Variants in MYO1D observed in about 807,000 individuals in gnomAD.
MYO1D encodes unconventional myosin-Id.
Under a neutral mutation model 122.0 loss-of-function variants are expected in MYO1D, and 83 were observed. That is an observed-to-expected ratio of 0.68 (90% CI 0.57 to 0.82). The LOEUF (loss-of-function observed/expected upper bound fraction) is 0.82. MYO1D is among the 40% of genes least tolerant of loss of function. The pLI is 0.00. For synonymous variants in MYO1D, 464 were observed against 446.9 expected (o/e 1.04, Z -0.48); for missense variants, 1,157 against 1,269.5 (o/e 0.91, Z 1.35).
At chr17:32,576,970 C>G (rs1376628146) in intron 21 of MYO1D, among the ~76,000 whole-genome samples, 1 of 151,994 alleles carries the variant, frequency 6.6e-6, no homozygotes, top group Non-Finnish European at 1.5e-5. Context: ...GTGAGGTAGG[C>G]TGGGCATGGT....
At chr17:32,857,160 GA>G (rs2091033674) in intron 1 of MYO1D, among the ~76,000 whole-genome samples, 2 of 152,170 alleles carry the variant, frequency 1.3e-5, no homozygotes, top group South Asian at 4.1e-4. Flanking sequence ...ATTAATGAAT[GA>G]AAACCACCTA....
At chr17:32,746,864 C>T (rs927018066) in intron 12 of MYO1D, among the ~76,000 whole-genome samples, 20 of 152,172 alleles carry the variant, frequency 1.3e-4, no homozygotes, top group African/African-American at 3.4e-4. Context: ...TGTGGCATTG[C>T]GTAAGAACTT....
chr17:32,643,294 G>A (rs2088231873), intron 19 of MYO1D, among the ~76,000 whole-genome samples: 1 of 152,180 alleles, frequency 6.6e-6, no homozygotes, highest in Admixed American at 6.5e-5. Context: ...TGGTGGATAA[G>A]CTTTTTGATG....
chr17:32,833,192 C>T lies in MYO1D; in HGVS notation c.95+43586G>A, dbSNP rs1329682064. On this transcript the variant is annotated intron_variant, in intron 1 of 21. Coordinates refer to ENST00000318217, the MANE Select transcript of MYO1D (RefSeq NM_015194.3). ...GTGTCCCACACCTGCTCCTCCTGCT[C>T]GCTATACCCCATGTCTCATCTGTCA... Among the ~76,000 whole-genome samples, 4 of 152,172 alleles carry T rather than the reference C, an allele frequency of 2.6e-5. No homozygotes were observed. In the South Asian group the frequency reaches 6.2e-4, roughly 24 times the overall value.
Position 32,671,181 on chromosome 17 carries a change from C to A in MYO1D, c.2122-11843G>T, listed in dbSNP as rs74533852. The stretch of plus-strand genomic sequence containing the variant: ...CCCTTTGGGGCTCTGGAGTCATAGG[C>A]ACCCCTGCCTGGGCATCACTGCATT... On this transcript the variant is annotated intron_variant, in intron 16 of 21. Transcript: ENST00000318217. Among the ~76,000 whole-genome samples, 664 of 152,338 alleles carry A rather than the reference C, an allele frequency of 4.4e-3. 5 individuals carry two copies. The highest frequency in any genetic ancestry group is 0.015 in the African/African-American group (632 of 41,572).
chr17:32,718,854 C>T (rs2089476834), intron 15 of MYO1D, among the ~76,000 whole-genome samples: 1 of 152,190 alleles, frequency 6.6e-6, no homozygotes, highest in Non-Finnish European at 1.5e-5. Flanking sequence ...CTCCTCTTCA[C>T]TATCCAGTCC....
Position 32,790,358 on chromosome 17 carries a change from A to G in MYO1D, c.96-9574T>C, listed in dbSNP as rs75612509. Among the ~76,000 whole-genome samples the G allele has an allele frequency of 2.2e-4, 34 of 152,276 alleles. 1 individual carries two copies. The East Asian group carries it at 6.0e-3, about 27-fold the overall frequency. The stretch of plus-strand genomic sequence containing the variant: ...TGTGTGCACTGGCCTTTATTCATCT[A>G]AATTCCCCTATCCCCATCATTCCAC... On this transcript the variant is annotated intron_variant, in intron 1 of 21. Coordinates refer to ENST00000318217, the MANE Select transcript of MYO1D (RefSeq NM_015194.3).
At position 32,783,595 on chromosome 17, in the gene MYO1D, T is replaced by C. The variant is rs190674599; in HGVS notation, c.96-2811A>G. ...AATATTAACAGAATATGATATTAAA[T>C]ACAATGCTTCAGCAATTCACAAAAC... On this transcript the variant is annotated intron_variant, in intron 1 of 21. Coordinates refer to ENST00000318217, the MANE Select transcript of MYO1D (RefSeq NM_015194.3). 1.1e-3 allele frequency among the ~76,000 whole-genome samples: 165 copies of C among 152,342 alleles called. 1 individual carries two copies. Among genetic ancestry groups the C allele is most frequent in the African/African-American group, 2.1e-3 (87 of 41,582 alleles).
At chr17:32,546,656 T>C (rs1331857286) in intron 21 of MYO1D, among the ~76,000 whole-genome samples, 1 of 152,214 alleles carries the variant, frequency 6.6e-6, no homozygotes, top group Admixed American at 6.5e-5. Flanking sequence ...AACCTACTGT[T>C]TCCCCAAACC....
At chr17:32,852,202 T>C (rs995331027) in intron 1 of MYO1D, among the ~76,000 whole-genome samples, 1 of 152,208 alleles carries the variant, frequency 6.6e-6, no homozygotes, top group African/African-American at 2.4e-5. Context: ...CTCAGCTCAC[T>C]GCAACCTCTG....
chr17:32,849,221 T>C (rs1028939986), intron 1 of MYO1D, among the ~76,000 whole-genome samples: 1 of 150,920 alleles, frequency 6.6e-6, no homozygotes, highest in Non-Finnish European at 1.5e-5. Flanking sequence ...TTGGTGGGAC[T>C]ATAAACTAGT....
At chr17:32,732,287 G>C (rs1193709591) in intron 14 of MYO1D, among the ~76,000 whole-genome samples, 1 of 152,190 alleles carries the variant, frequency 6.6e-6, no homozygotes, top group Non-Finnish European at 1.5e-5. Context: ...TCCCACCTTT[G>C]GGCCAGGCTG....
chr17:32,772,151 T>G (rs1221860246), intron 5 of MYO1D, among the ~76,000 whole-genome samples: 1 of 152,226 alleles, frequency 6.6e-6, no homozygotes, highest in Non-Finnish European at 1.5e-5. Context: ...TACATTAATT[T>G]GGGCTTTAAA....
intron 14 of MYO1D, among the ~76,000 whole-genome samples, chr17:32,735,890 T>A (rs959554478): frequency 1.3e-5 from 2 of 152,160 alleles, no homozygotes; most frequent in African/African-American, 4.8e-5. Context: ...CTTGATATCT[T>A]TCTACGTCTT....
At chr17:32,566,802 T>C (rs1214995944) in intron 21 of MYO1D, among the ~76,000 whole-genome samples, 2 of 75,466 alleles carry the variant, frequency 2.7e-5, no homozygotes, top group Non-Finnish European at 5.3e-5. Context: ...AAGCAACTTG[T>C]AAAAGCTTCC....
intron 1 of MYO1D, among the ~76,000 whole-genome samples, chr17:32,821,164 T>C (rs1008016324): frequency 6.6e-6 from 1 of 152,204 alleles, no homozygotes; most frequent in Non-Finnish European, 1.5e-5. Flanking sequence ...CTAAGGATAA[T>C]GGCCTCCAGC....
chr17:32,763,639 G>C (rs1047934753), intron 8 of MYO1D, among the ~76,000 whole-genome samples: 5 of 152,204 alleles, frequency 3.3e-5, no homozygotes, highest in Admixed American at 3.3e-4. Flanking sequence ...ATAAATATAT[G>C]GCAGGTGCGG....
At chr17:32,780,928 T>C (rs1836688385) in intron 1 of MYO1D, 144 bp from the exon 2 acceptor site, 3 of 821,338 alleles carry the variant, frequency 3.7e-6, no homozygotes, top group Non-Finnish European at 3.8e-6. Context: ...CTGAGTTAAC[T>C]TGTAGAGAAT....
At chr17:32,778,951 T>C (rs1458058088) in intron 2 of MYO1D, among the ~76,000 whole-genome samples, 1 of 152,160 alleles carries the variant, frequency 6.6e-6, no homozygotes, top group Non-Finnish European at 1.5e-5. Flanking sequence ...ACTAAATTCA[T>C]ATAATCTTAT....
Sources: gnomAD v4.1 joint callset for allele counts (sites outside exome capture counted in the v4.1 genomes callset) on GRCh38, gnomAD v4.1.1 for gene constraint, MANE v1.5 for transcripts, NCBI Gene and HGNC (gene_info 2026-07-23, HGNC 2026-07-21) for gene names.